GRM8: variants seen among roughly 807,000 people sequenced by gnomAD.
The protein encoded by GRM8 is glutamate metabotropic receptor 8.
A neutral mutation model predicts 87.2 loss-of-function variants in GRM8; 47 were observed. The ratio of observed to expected loss-of-function variants is 0.54; its 90% CI spans 0.43 to 0.69. The LOEUF (loss-of-function observed/expected upper bound fraction) is 0.69. Ranked by LOEUF, GRM8 falls within the 30% of genes least tolerant of loss-of-function variation. The pLI is 0.00. For synonymous variants in GRM8, 396 were observed against 404.5 expected (o/e 0.98, Z 0.25); for missense variants, 1,019 against 1,139.2 (o/e 0.89, Z 1.52).
At chr7:126,830,024 A>T (rs1795205597) in intron 6 of GRM8, among the ~76,000 whole-genome samples, 3 of 152,286 alleles carry the variant, frequency 2.0e-5, no homozygotes, top group Non-Finnish European at 1.5e-5. Flanking sequence ...AATGTTGAAT[A>T]TTGGCCCCCA....
intron 7 of GRM8, among the ~76,000 whole-genome samples, chr7:126,684,373 G>GAC (rs1435218047): frequency 6.6e-6 from 1 of 152,134 alleles, no homozygotes; most frequent in Non-Finnish European, 1.5e-5. Flanking sequence ...TTTGTAACAG[G>GAC]ACTCTCTGGA....
At chr7:127,125,097 A>T (rs1827289910) in intron 2 of GRM8, among the ~76,000 whole-genome samples, 1 of 152,174 alleles carries the variant, frequency 6.6e-6, no homozygotes, top group African/African-American at 2.4e-5. Context: ...TCTGCAAGAC[A>T]CAAGACTGTC....
Position 127,024,391 on chromosome 7 carries a change from T to G in GRM8, c.727+82105A>C, listed in dbSNP as rs17867735. 4.5e-3 allele frequency among the ~76,000 whole-genome samples: 680 copies of G among 152,146 alleles called. 1 individual carries two copies. The highest frequency in any genetic ancestry group is 0.015 in the South Asian group (74 of 4,818). ...CATTCACCATCAGGGGTTTCCACTG[T>G]TTTCTGGGGCCTATTCTGTATTCAT... On this transcript the variant is annotated intron_variant, in intron 3 of 10. Coordinates refer to ENST00000339582, the MANE Select transcript of GRM8 (RefSeq NM_000845.3).
chr7:126,789,950 A>G (rs1243796451), intron 6 of GRM8, among the ~76,000 whole-genome samples: 2 of 152,098 alleles, frequency 1.3e-5, no homozygotes, highest in Non-Finnish European at 2.9e-5. Flanking sequence ...GTACTATGAA[A>G]TCCAACTATT....
intron 2 of GRM8, among the ~76,000 whole-genome samples, chr7:127,226,719 G>T (rs941544893): frequency 2.6e-5 from 4 of 152,218 alleles, no homozygotes. Flanking sequence ...GTCTTGAGCT[G>T]ATTAGTGAAC....
intron 2 of GRM8, among the ~76,000 whole-genome samples, chr7:127,200,262 T>C (rs1795514333): frequency 6.6e-6 from 1 of 152,202 alleles, no homozygotes; most frequent in Non-Finnish European, 1.5e-5. Flanking sequence ...TCTGAGTTCA[T>C]CCCAGCTTCT....
intron 3 of GRM8, among the ~76,000 whole-genome samples, chr7:126,992,829 ATGTGTGTG>A (rs536291684): frequency 2.2e-5 from 3 of 137,648 alleles, no homozygotes; most frequent in African/African-American, 8.0e-5. Flanking sequence ...GTGTGTGTGT[ATGTGTGTG>A]TGTGTGTGTG....
chr7:126,672,962 T>C (rs1806542143), intron 7 of GRM8, among the ~76,000 whole-genome samples: 1 of 152,172 alleles, frequency 6.6e-6, no homozygotes, highest in Non-Finnish European at 1.5e-5. Flanking sequence ...TCTTTGTCCC[T>C]ATCCTTAATC....
At chr7:126,984,786 T>A (rs1249949046) in intron 3 of GRM8, among the ~76,000 whole-genome samples, 3 of 152,328 alleles carry the variant, frequency 2.0e-5, no homozygotes, top group African/African-American at 7.2e-5. Context: ...ATCAAGTTTC[T>A]TTTTTATGAA....
intron 2 of GRM8, among the ~76,000 whole-genome samples, chr7:127,177,689 C>A (rs534300866): frequency 6.6e-6 from 1 of 152,202 alleles, no homozygotes; most frequent in Admixed American, 6.5e-5. Context: ...GTGCAGACAA[C>A]CCCCAGTACC....
chr7:126,621,731 TA>T (rs3216288), intron 7 of GRM8, among the ~76,000 whole-genome samples: 196 of 147,974 alleles, frequency 1.3e-3, no homozygotes, highest in African/African-American at 3.4e-3. Context: ...AATCACCATT[TA>T]AAAAAAAAAA....
intron 6 of GRM8, among the ~76,000 whole-genome samples, chr7:126,895,857 A>T (rs1482047303): frequency 6.6e-6 from 1 of 151,810 alleles, no homozygotes; most frequent in Admixed American, 6.6e-5. Context: ...AGGATTAGGT[A>T]ATAACCAATA....
rs577271133 is a variant in GRM8 at position 127,031,112 on chromosome 7, C to G, written c.727+75384G>C. On this transcript the variant is annotated intron_variant, in intron 3 of 10. Coordinates refer to ENST00000339582, the MANE Select transcript of GRM8 (RefSeq NM_000845.3). ...ACCACACAGTTGGTTCACATCAAGC[C>G]AACTGTGTGGTCAACACAAACCCCA... Among the ~76,000 whole-genome samples, 20 of 152,206 alleles carry G rather than the reference C, an allele frequency of 1.3e-4. No individual in the cohort carries two copies. The South Asian group carries it at 4.2e-3, about 32-fold the overall frequency.
At chr7:126,764,788 A>C (rs1278679043) in intron 7 of GRM8, among the ~76,000 whole-genome samples, 1 of 152,086 alleles carries the variant, frequency 6.6e-6, no homozygotes, top group Non-Finnish European at 1.5e-5. Flanking sequence ...TTTGCATTAC[A>C]AAATTCTGAA....
chr7:126,501,088 T>A (rs1463152470), intron 9 of GRM8, among the ~76,000 whole-genome samples: 1 of 152,038 alleles, frequency 6.6e-6, no homozygotes, highest in Non-Finnish European at 1.5e-5. Context: ...GACTTCATAC[T>A]CATATCATGT....
At position 126,684,814 on chromosome 7, in the gene GRM8, T is replaced by C. The variant is rs549997820; in HGVS notation, c.1358-75316A>G. Among the ~76,000 whole-genome samples the C allele has an allele frequency of 3.3e-5, 5 of 152,366 alleles. No homozygotes were observed. In the South Asian group the frequency reaches 8.3e-4, roughly 25 times the overall value. ...GTGTATTTTGTTTGTATTATTTTCT[T>C]AGCCACAAGTTGTTGAAGTCTGAAA... On this transcript the variant is annotated intron_variant, in intron 7 of 10. Transcript: ENST00000339582.
intron 6 of GRM8, among the ~76,000 whole-genome samples, chr7:126,833,112 G>A (rs1172905305): frequency 2.6e-5 from 4 of 152,126 alleles, no homozygotes; most frequent in Non-Finnish European, 5.9e-5. Flanking sequence ...GCTAGCCAAG[G>A]GCAAATGAGG....
Position 126,533,643 on chromosome 7 carries a change from T to C in GRM8, c.1739A>G (p.His580Arg). 1 of 1,614,006 alleles carries C rather than the reference T, an allele frequency of 6.2e-7. No homozygotes were observed. The highest frequency in any genetic ancestry group is 8.5e-7 in the Non-Finnish European group (1 of 1,179,980). Residue 580 changes from histidine (H) to arginine (R), a missense_variant, in exon 9 of 11, where the codon CAT (histidine) becomes CGT (arginine). By Grantham distance (29) the His-to-Arg change is conservative. Transcript: ENST00000339582. ...QLIPIIKLEW[H>R]SPWAVVPVFV... ...CACAGGCACCACAGCCCAGGGAGAA[T>C]GCCACTCCAATTTGATGATGGGGAT...
chr7:126,767,230 A>G (rs1436944308), intron 7 of GRM8, among the ~76,000 whole-genome samples: 1 of 152,104 alleles, frequency 6.6e-6, no homozygotes, highest in Non-Finnish European at 1.5e-5. Flanking sequence ...GGCTCAAAAG[A>G]GTTATACATC....
Sources: allele counts gnomAD v4.1 joint callset (sites outside exome capture counted in the v4.1 genomes callset), GRCh38; gene constraint gnomAD v4.1.1; transcripts MANE v1.5; gene names NCBI Gene and HGNC (gene_info 2026-07-23, HGNC 2026-07-21).